The following NUP214 variants were observed in gnomAD, a reference collection of about 807,000 sequenced individuals.
NUP214 encodes nucleoporin 214.
NUP214 carries 79 observed loss-of-function variants against 196.2 expected under a neutral mutation model. The ratio of observed to expected loss-of-function variants is 0.40; its 90% confidence interval spans 0.34 to 0.49. The LOEUF is 0.49. Ranked by LOEUF, NUP214 falls within the 20% of genes least tolerant of loss-of-function variation. NUP214 has a pLI of 0.58. For missense variants in NUP214, 2,468 were observed against 2,539.0 expected (o/e 0.97, Z 0.60); for synonymous variants, 1,020 against 990.5 (o/e 1.03, Z -0.56).
In NUP214 at chr9:131,198,413, C is replaced by T; in HGVS notation, c.4919C>T (p.Ser1640Phe). ...GCAGCAGCATTTGGTACCGTCACTT[C>T]TGGCTCATCCGTCTTTGCTCAGCCT... ...AEAAAFGTVT[S>F]GSSVFAQPPA... Residue 1640 changes from serine to phenylalanine, a missense_variant, in exon 29 of 36, where the codon TCT becomes TTT. Ser to Phe is a radical substitution (Grantham distance 155). This residue lies in a region of NUP214 where 1,801 missense variants were observed against 1,779.4 expected (regional missense o/e 1.01). Transcript: ENST00000359428. The T allele has an allele frequency of 6.2e-7, 1 of 1,614,260 alleles. No individual in the cohort carries two copies. Among genetic ancestry groups the T allele is most frequent in the South Asian group, 1.1e-5 (1 of 91,086 alleles).
chr9:131,177,632 A>G (rs927382268), intron 23 of NUP214, among the ~76,000 whole-genome samples: 6 of 152,152 alleles, frequency 3.9e-5, no homozygotes, highest in African/African-American at 1.4e-4. Flanking sequence ...TTGGCCAGTG[A>G]TGCAGTTAGT....
chr9:131,180,440 T>C (rs1833241743), intron 24 of NUP214, among the ~76,000 whole-genome samples: 1 of 152,270 alleles, frequency 6.6e-6, no homozygotes, highest in Admixed American at 6.5e-5. Context: ...TTTAAAATTA[T>C]TTTCAGCCAG....
intron 19 of NUP214, 46 bp downstream of exon 19, chr9:131,163,219 T>G: frequency 6.4e-7 from 1 of 1,555,664 alleles, no homozygotes; most frequent in Non-Finnish European, 8.7e-7. Flanking sequence ...AATGAATGCA[T>G]GAACATTTAG....
At chr9:131,151,288 A>G (rs1006684336) in intron 16 of NUP214, among the ~76,000 whole-genome samples, 5 of 152,312 alleles carry the variant, frequency 3.3e-5, no homozygotes, top group African/African-American at 1.2e-4. Context: ...TGTGTCATAC[A>G]TACTGTTACC....
chr9:131,193,448 A>C (rs906572094), intron 27 of NUP214, among the ~76,000 whole-genome samples: 5 of 151,722 alleles, frequency 3.3e-5, no homozygotes, highest in Admixed American at 6.6e-5. Context: ...AGGGTATTAG[A>C]ATATTATTTG....
chr9:131,150,913 C>G (rs773144764), intron 16 of NUP214, 148 bp downstream of exon 16: 1 of 737,518 alleles, frequency 1.4e-6, no homozygotes, highest in Non-Finnish European at 2.2e-6. Flanking sequence ...CCTAGAATCC[C>G]TGAGTTCAAA....
chr9:131,200,341 C>T (rs1216045255), intron 29 of NUP214, among the ~76,000 whole-genome samples: 1 of 152,162 alleles, frequency 6.6e-6, no homozygotes, highest in African/African-American at 2.4e-5. Context: ...TTCGGGAGGC[C>T]GAGGCAGGGG....
At chr9:131,127,450 T>C (rs1198381868) in intron 1 of NUP214, 74 bp from the exon 2 acceptor site, 4 of 1,180,448 alleles carry the variant, frequency 3.4e-6, no homozygotes, top group Non-Finnish European at 4.9e-6. Context: ...TGTACTGAAA[T>C]TGGGTCTACT....
intron 8 of NUP214, 73 bp downstream of exon 8, chr9:131,135,077 T>C: frequency 9.4e-7 from 1 of 1,060,644 alleles, no homozygotes; most frequent in Non-Finnish European, 1.4e-6. Context: ...TGTCCCATGT[T>C]GAAATCTTTT....
chr9:131,197,435 C>T lies in NUP214; in HGVS notation c.3941C>T (p.Pro1314Leu), dbSNP rs202117500. 1.6e-5 allele frequency: 26 copies of T among 1,614,022 alleles called. No homozygotes were observed. The highest frequency in any genetic ancestry group is 1.6e-4 in the Middle Eastern group (1 of 6,084). Residue 1314 changes from proline (P) to leucine (L), a missense_variant, in exon 29 of 36, where the codon CCG (proline) becomes CTG (leucine). By Grantham distance (98) the Pro-to-Leu change is moderately conservative. Coordinates refer to ENST00000359428, the MANE Select transcript of NUP214 (RefSeq NM_005085.4). ...STTSSKLETP[P>L]SKLGELLFPS... ...ACCTCTAGTAAGCTGGAAACCCCAC[C>T]GTCCAAGCTGGGAGAGCTTCTGTTT...
chr9:131,192,031 A>G, intron 26 of NUP214, 177 bp from the exon 27 acceptor site: 2 of 471,360 alleles, frequency 4.2e-6, no homozygotes, highest in Non-Finnish European at 7.4e-6. Context: ...GAGACCTCAA[A>G]CACAAGTGAG....
At chr9:131,189,253 C>T (rs1833536983) in intron 26 of NUP214, 122 bp downstream of exon 26, 1 of 783,816 alleles carries the variant, frequency 1.3e-6, no homozygotes, top group Admixed American at 2.0e-5. Flanking sequence ...AGATCGGGAG[C>T]ATTCAGGGTA....
At chr9:131,178,200 A>G in intron 23 of NUP214, 111 bp from the exon 24 acceptor site, 2 of 729,496 alleles carry the variant, frequency 2.7e-6, no homozygotes, top group Non-Finnish European at 4.7e-6. Context: ...TTCACATGAT[A>G]AGGCTCTAAT....
intron 33 of NUP214, 49 bp downstream of exon 33, chr9:131,228,380 G>A: frequency 6.5e-7 from 1 of 1,539,470 alleles, no homozygotes; most frequent in Non-Finnish European, 8.7e-7. Context: ...CAGCCAAAAA[G>A]CACTAGGGGC....
intron 31 of NUP214, among the ~76,000 whole-genome samples, chr9:131,219,778 A>G (rs1287621931): frequency 6.6e-6 from 1 of 152,202 alleles, no homozygotes. Flanking sequence ...AAGCCGTTTG[A>G]TGATGATCTT....
intron 17 of NUP214, among the ~76,000 whole-genome samples, chr9:131,156,395 G>T (rs1290417373): frequency 6.6e-6 from 1 of 151,852 alleles, no homozygotes; most frequent in African/African-American, 2.4e-5. Flanking sequence ...GCCTCCCAAA[G>T]TGCTGGGATT....
rs1021741104 is a variant in NUP214, at chr9:131,125,833, G to A, written c.45+84G>A. ...AGCTGAAAGGCGAAGCGCGGTGCTG[G>A]CTGTCCCGCCTCCTGCTTGAACAGT... On this transcript the variant is annotated intron_variant, in intron 1 of 35. Transcript: ENST00000359428. The surrounding 1 kb of genome is among the most constrained non-coding windows in gnomAD (Gnocchi z 4.1). 1.4e-5 allele frequency: 21 copies of A among 1,469,104 alleles called. No individual in the cohort carries two copies. The African/African-American group carries it at 2.3e-4, about 16-fold the overall frequency. The allele number at this position is 1,469,104 out of a possible 1,614,324, so 91.0% of individuals were successfully genotyped here.
chr9:131,136,184 C>T (rs1413173402), intron 9 of NUP214, among the ~76,000 whole-genome samples, 178 bp downstream of exon 9: 3 of 152,186 alleles, frequency 2.0e-5, no homozygotes, highest in African/African-American at 7.2e-5. Flanking sequence ...GGACTGTAGG[C>T]GCGGGCCACC....
chr9:131,176,363 G>A (rs1833120555), intron 23 of NUP214, among the ~76,000 whole-genome samples: 1 of 146,926 alleles, frequency 6.8e-6, no homozygotes, highest in Non-Finnish European at 1.5e-5. Flanking sequence ...TCACTGTGTT[G>A]CCTAGGCTGA....
Sources: gnomAD v4.1 joint callset for allele counts (sites outside exome capture counted in the v4.1 genomes callset) on GRCh38, gnomAD v4.1.1 for gene constraint, gnomAD v4.1.1 regional missense constraint, Gnocchi (gnomAD v3.1) non-coding constraint, MANE v1.5 for transcripts, NCBI Gene and HGNC (gene_info 2026-07-23, HGNC 2026-07-21) for gene names.